KIF2A: variants seen among roughly 807,000 people sequenced by gnomAD.
The protein encoded by KIF2A is kinesin-like protein KIF2A.
KIF2A carries 22 observed loss-of-function variants against 100.2 expected under a neutral mutation model. That is an observed-to-expected ratio of 0.22 (90% CI 0.16 to 0.31). The LOEUF is 0.31. KIF2A is among the 10% of genes least tolerant of loss of function. The probability of loss-of-function intolerance (pLI) is 1.00; values close to 1 mark genes in which losing one functional copy is unlikely to be tolerated. For missense variants in KIF2A, 495 were observed against 898.7 expected (o/e 0.55, Z 5.74); for synonymous variants, 268 against 285.9 (o/e 0.94, Z 0.63).
intron 14 of KIF2A, among the ~76,000 whole-genome samples, chr5:62,364,603 C>G (rs1213553143): frequency 6.6e-6 from 1 of 152,172 alleles, no homozygotes; most frequent in Non-Finnish European, 1.5e-5. Flanking sequence ...GTTGGAAAGA[C>G]TAAAATAAGG....
At chr5:62,331,682 A>T (rs1028296587) in intron 1 of KIF2A, among the ~76,000 whole-genome samples, 21 of 150,626 alleles carry the variant, frequency 1.4e-4, no homozygotes, top group Admixed American at 1.3e-3. Context: ...GATAAAAATA[A>T]TGTTCACTTT....
chr5:62,379,462 A>G (rs1168210613), intron 19 of KIF2A, among the ~76,000 whole-genome samples: 1 of 152,156 alleles, frequency 6.6e-6, no homozygotes, highest in Non-Finnish European at 1.5e-5. Context: ...TGCGAGTTCG[A>G]TACCAGCCTG....
chr5:62,364,038 A>AT, intron 14 of KIF2A, 139 bp downstream of exon 14: 1 of 677,778 alleles, frequency 1.5e-6, no homozygotes, highest in South Asian at 2.0e-5. Context: ...GTATAGTGTG[A>AT]TTTTATTATA....
intron 5 of KIF2A, chr5:62,352,997 G>C (rs1747930939): frequency 2.4e-6 from 1 of 413,266 alleles, no homozygotes; most frequent in Non-Finnish European, 4.3e-6. Flanking sequence ...GAATGTGTTG[G>C]GCTCCTTGAT....
rs529313359 is a variant in KIF2A at position 62,387,331 on chromosome 5, A to T, written c.*1762A>T. On this transcript the variant is annotated 3_prime_UTR_variant, in exon 21 of 21. Coordinates refer to ENST00000407818, the MANE Select transcript of KIF2A (RefSeq NM_001098511.3). The stretch of plus-strand genomic sequence containing the variant: ...ACAATTGACCTTGCAAAGGATATTT[A>T]AAAAAAAGGTAGTTTTTGAGATTAA... 37 of 152,142 alleles carry T rather than the reference A, an allele frequency of 2.4e-4. No homozygotes were observed. Among genetic ancestry groups the T allele is most frequent in the Middle Eastern group, 3.4e-3 (1 of 294 alleles). The allele number at this position is 152,142 out of a possible 1,614,324, so 9.4% of individuals were successfully genotyped here. A position where few individuals can be genotyped will look rare whatever the true frequency, so the allele number is the denominator to read the frequency against.
rs1748206637 is a variant in KIF2A, at chr5:62,358,061, C to G, written c.710-76C>G. 1.0e-5 allele frequency: 11 copies of G among 1,103,430 alleles called. No homozygotes were observed. In the South Asian group the frequency reaches 1.4e-4, roughly 14 times the overall value. The allele number at this position is 1,103,430 out of a possible 1,614,324, so 68.4% of individuals were successfully genotyped here. A position where few individuals can be genotyped will look rare whatever the true frequency, so the allele number is the denominator to read the frequency against. ...CTTACTACTTGTATCTTAGTTCTTA[C>G]TACTTAAAATAATTTTGTACATGAA... On this transcript the variant is annotated intron_variant, in intron 8 of 20. Transcript: ENST00000407818.
chr5:62,333,711 C>T (rs1387087251), intron 1 of KIF2A, among the ~76,000 whole-genome samples: 2 of 152,166 alleles, frequency 1.3e-5, no homozygotes, highest in Admixed American at 1.3e-4. Context: ...ATCTCCTCCC[C>T]AAGTGTCCAG....
chr5:62,316,454 T>A (rs16890628), intron 1 of KIF2A, among the ~76,000 whole-genome samples: 8,740 of 152,278 alleles, frequency 0.057, 324 homozygotes, highest in East Asian at 0.13. Context: ...GGATTCTAAG[T>A]GCCATTTCAG....
chr5:62,318,666 CT>C (rs1745953387), intron 1 of KIF2A, among the ~76,000 whole-genome samples: 1 of 151,988 alleles, frequency 6.6e-6, no homozygotes, highest in South Asian at 2.1e-4. Flanking sequence ...CCTTTTTAAT[CT>C]TTACAGGTGC....
chr5:62,373,863 T>G (rs1000841137), intron 18 of KIF2A, 26 bp downstream of exon 18: 1 of 1,557,968 alleles, frequency 6.4e-7, no homozygotes, highest in African/African-American at 1.4e-5. Context: ...TTGTAAATGT[T>G]ATAATCTTAG....
chr5:62,340,664 A>T (rs1272848651), intron 1 of KIF2A, among the ~76,000 whole-genome samples: 2 of 152,174 alleles, frequency 1.3e-5, no homozygotes, highest in African/African-American at 4.8e-5. Context: ...TCACCATATC[A>T]TGATTTTTTC....
At chr5:62,311,998 C>T (rs996511036) in intron 1 of KIF2A, 2 of 152,134 alleles carry the variant, frequency 1.3e-5, no homozygotes, top group African/African-American at 4.8e-5. Flanking sequence ...AGCCCGAATC[C>T]CTTCACTCCC....
At chr5:62,356,102 A>G (rs1258700165) in intron 7 of KIF2A, among the ~76,000 whole-genome samples, 1 of 152,182 alleles carries the variant, frequency 6.6e-6, no homozygotes, top group Admixed American at 6.6e-5. Context: ...CCCAGCCGGG[A>G]ATGCTTTTAT....
intron 1 of KIF2A, among the ~76,000 whole-genome samples, chr5:62,307,692 ACTGCAACCTC>A (rs1370734095): frequency 6.8e-6 from 1 of 146,246 alleles, no homozygotes; most frequent in Non-Finnish European, 1.5e-5. Flanking sequence ...ATCTCGGCCC[ACTGCAACCTC>A]CGCCTCCCGT....
rs775437661 is a variant in KIF2A, at chr5:62,362,413, T to C, written c.1028-37T>C. ...TTGAGTTGCTTTTTAAAAATATTTG[T>C]TGGATCTCAATTTTCTGTATATGAA... On this transcript the variant is annotated intron_variant, in intron 11 of 20. Coordinates refer to ENST00000407818, the MANE Select transcript of KIF2A (RefSeq NM_001098511.3). 5 of 1,003,778 alleles carry C rather than the reference T, an allele frequency of 5.0e-6. No individual in the cohort carries two copies. In the East Asian group the frequency reaches 1.6e-4, roughly 32 times the overall value. The allele number at this position is 1,003,778 out of a possible 1,614,324, so 62.2% of individuals were successfully genotyped here. A position where few individuals can be genotyped will look rare whatever the true frequency, so the allele number is the denominator to read the frequency against.
intron 1 of KIF2A, among the ~76,000 whole-genome samples, chr5:62,335,336 G>C (rs1203950401): frequency 6.6e-6 from 1 of 152,160 alleles, no homozygotes; most frequent in Non-Finnish European, 1.5e-5. Context: ...ATCCTGCTCT[G>C]GAGTATTCAT....
In KIF2A at chr5:62,366,497, C is replaced by T. The variant is rs1283823948; in HGVS notation, c.1646+16C>T. On this transcript the variant is annotated intron_variant, in intron 16 of 20. Transcript: ENST00000407818. ...ATGCAAATAGGTATGAGAGATAGTT[C>T]TCCATTTTGAAATTTGAGGGGAGTA... 6.8e-7 allele frequency: 1 copy of T among 1,471,740 alleles called. No homozygotes were observed. Among genetic ancestry groups the T allele is most frequent in the Non-Finnish European group, 9.4e-7 (1 of 1,065,648 alleles). 91.2% of individuals were successfully genotyped at this position (1,471,740 alleles called of 1,614,324 possible). A position where few individuals can be genotyped will look rare whatever the true frequency, so the allele number is the denominator to read the frequency against.
In KIF2A at chr5:62,365,253, G is replaced by C; in HGVS notation, c.1478G>C (p.Arg493Thr). Residue 493 changes from arginine (R) to threonine (T), a missense_variant, in exon 15 of 21, where the codon AGA becomes ACA. Transcript: ENST00000407818. ...KSLLALKECI[R>T]ALGRNKPHTP... ...TTTCTTAATTTTCAGGAGTGCATCA[G>C]AGCCTTAGGTAGAAATAAACCTCAT... The C allele has an allele frequency of 6.3e-7, 1 of 1,581,902 alleles. No individual in the cohort carries two copies. The highest frequency in any genetic ancestry group is 8.6e-7 in the Non-Finnish European group (1 of 1,157,580).
chr5:62,343,421 G>T (rs548558795), intron 1 of KIF2A, among the ~76,000 whole-genome samples: 115 of 152,276 alleles, frequency 7.6e-4, no homozygotes, highest in Admixed American at 1.3e-3. Context: ...AATGGAGGTG[G>T]TATTGTGTGA....
Sources: gnomAD v4.1 joint callset for allele counts (sites outside exome capture counted in the v4.1 genomes callset) on GRCh38, gnomAD v4.1.1 for gene constraint, MANE v1.5 for transcripts, NCBI Gene and HGNC (gene_info 2026-07-23, HGNC 2026-07-21) for gene names.